DEPDC5: variants seen among roughly 807,000 people sequenced by gnomAD.
DEPDC5 encodes GATOR1 complex protein DEPDC5.
Under a neutral mutation model 217.3 loss-of-function variants are expected in DEPDC5, and 73 were observed. The ratio of observed to expected loss-of-function variants is 0.34; its 90% CI spans 0.28 to 0.41. The LOEUF (loss-of-function observed/expected upper bound fraction) is 0.41, where lower values mean the gene tolerates loss of function less well. Among genes scored for constraint, DEPDC5 ranks in the 10% least tolerant of loss-of-function variants. DEPDC5 has a pLI of 1.00. For synonymous variants in DEPDC5, 733 were observed against 756.7 expected, an observed-to-expected ratio of 0.97 and a Z score of 0.51; for missense variants, 1,675 against 2,070.1, an observed-to-expected ratio of 0.81 and a Z score of 3.70.
chr22:31,860,498 C>A (rs1245094848), intron 32 of DEPDC5, among the ~76,000 whole-genome samples: 1 of 152,050 alleles, frequency 6.6e-6, no homozygotes, highest in Non-Finnish European at 1.5e-5. Flanking sequence ...TAAAAAGATT[C>A]CGAAAGGAAA....
At chr22:31,811,168 C>T (rs1349258890) in intron 20 of DEPDC5, among the ~76,000 whole-genome samples, 1 of 152,116 alleles carries the variant, frequency 6.6e-6, no homozygotes, top group African/African-American at 2.4e-5. Flanking sequence ...CTCCTGGGTT[C>T]AAGCGATTCT....
intron 36 of DEPDC5, 59 bp downstream of exon 36, chr22:31,874,464 T>C: frequency 6.5e-7 from 1 of 1,542,012 alleles, no homozygotes. Flanking sequence ...AATCAGGGCC[T>C]GCCTTAGAAG....
chr22:31,853,395 T>C (rs993175979), intron 31 of DEPDC5: 1 of 152,108 alleles, frequency 6.6e-6, no homozygotes, highest in African/African-American at 2.4e-5. Context: ...GGATGACTGC[T>C]CCCGGGAGAC....
At chr22:31,881,440 G>T (rs1017187303) in intron 38 of DEPDC5, among the ~76,000 whole-genome samples, 9 of 152,074 alleles carry the variant, frequency 5.9e-5, no homozygotes, top group Non-Finnish European at 1.2e-4. Flanking sequence ...TTTCCCTTAG[G>T]CAGTCATGAC....
At chr22:31,762,109 T>G (rs2082439715) in intron 4 of DEPDC5, among the ~76,000 whole-genome samples, 1 of 152,162 alleles carries the variant, frequency 6.6e-6, no homozygotes, top group African/African-American at 2.4e-5. Flanking sequence ...CTGTCCCATT[T>G]TTTCACAAAC....
chr22:31,845,227 G>A lies in DEPDC5; in HGVS notation c.3011G>A (p.Arg1004His), dbSNP rs754059546. ...ATTCGCAGGCGGCATCGCTCGGATC[G>A]CATGATGCGGGTAAGGGCTCCTTAG... ...NRIRRRHRSD[R>H]MMRKGTAMKG... Residue 1004 changes from arginine (R) to histidine (H), a missense_variant, in exon 30 of 43, where the codon CGC (arginine) becomes CAC (histidine). Arg to His is a conservative substitution (Grantham distance 29). This residue lies in a region of DEPDC5 where 293 missense variants were observed against 386.1 expected (regional missense o/e 0.76). Transcript: ENST00000651528. 39 of 1,613,474 alleles carry A rather than the reference G, an allele frequency of 2.4e-5. No homozygotes were observed. The highest frequency in any genetic ancestry group is 1.6e-4 in the Middle Eastern group (1 of 6,062).
chr22:31,756,816 G>A (rs2081974956), intron 2 of DEPDC5, among the ~76,000 whole-genome samples: 2 of 151,858 alleles, frequency 1.3e-5, no homozygotes, highest in African/African-American at 4.8e-5. Context: ...AGCTACTAGG[G>A]AGGCTGAGGC....
At chr22:31,894,747 A>T (rs185866168) in intron 39 of DEPDC5, 1 of 151,950 alleles carries the variant, frequency 6.6e-6, no homozygotes, top group Non-Finnish European at 1.5e-5. Context: ...CGGGAAGCTG[A>T]GGCAGGGGAA....
chr22:31,864,276 T>C (rs1015185886), intron 33 of DEPDC5, among the ~76,000 whole-genome samples: 1 of 151,114 alleles, frequency 6.6e-6, no homozygotes, highest in Non-Finnish European at 1.5e-5. Flanking sequence ...GCCCGGCTAA[T>C]TTTTTGTATT....
At chr22:31,763,571 A>C (rs576974099) in intron 4 of DEPDC5, among the ~76,000 whole-genome samples, 1 of 151,340 alleles carries the variant, frequency 6.6e-6, no homozygotes, top group Non-Finnish European at 1.5e-5. Flanking sequence ...CCGCCTCCCG[A>C]GTAGCTAAGA....
chr22:31,779,197 A>G (rs566887769), intron 8 of DEPDC5, among the ~76,000 whole-genome samples: 7 of 152,324 alleles, frequency 4.6e-5, no homozygotes, highest in Admixed American at 4.6e-4. Flanking sequence ...GTTGAGACCC[A>G]GTGTATCCTT....
intron 31 of DEPDC5, among the ~76,000 whole-genome samples, chr22:31,851,564 A>G (rs912965427): frequency 5.3e-5 from 8 of 152,064 alleles, no homozygotes; most frequent in Non-Finnish European, 1.0e-4. Context: ...CCCTGACTTG[A>G]CTGTGTGCTC....
In DEPDC5 at chr22:31,755,053, A is replaced by G. The variant is rs2075202720; in HGVS notation, c.58+74A>G. The G allele has an allele frequency of 9.7e-6, 15 of 1,553,822 alleles. No individual in the cohort carries two copies. In the Admixed American group the frequency reaches 2.4e-4, roughly 25 times the overall value. ...GGTGTGTGCAATACCTAGAAATTAC[A>G]CACTGACTCGTGTGACAATTGAGGC... On this transcript the variant is annotated intron_variant, in intron 2 of 42. Coordinates refer to ENST00000651528, the MANE Select transcript of DEPDC5 (RefSeq NM_001242896.3).
chr22:31,782,037 C>CGTCT (rs753497106), intron 8 of DEPDC5, among the ~76,000 whole-genome samples: 15 of 151,926 alleles, frequency 9.9e-5, no homozygotes, highest in Non-Finnish European at 2.2e-4. Context: ...TCTCTATGAA[C>CGTCT]AGACAGACAA....
At chr22:31,829,306 T>C (rs1185182269) in intron 24 of DEPDC5, among the ~76,000 whole-genome samples, 1 of 151,892 alleles carries the variant, frequency 6.6e-6, no homozygotes. Flanking sequence ...CCAAGGCGGG[T>C]GGATCACTTG....
At chr22:31,843,594 G>T (rs2091530229) in intron 28 of DEPDC5, 51 bp from the exon 29 acceptor site, 2 of 1,562,968 alleles carry the variant, frequency 1.3e-6, no homozygotes. Context: ...GAATTGGCAG[G>T]AATTTGTCTC....
intron 27 of DEPDC5, among the ~76,000 whole-genome samples, chr22:31,839,083 T>C (rs185427471): frequency 2.6e-5 from 4 of 152,294 alleles, no homozygotes; most frequent in Admixed American, 2.6e-4. Context: ...AGTTCAGGAA[T>C]GGGACAGCCT....
Position 31,843,159 on chromosome 22 carries a change from C to T in DEPDC5, c.2580C>T (p.Phe860=). The T allele has an allele frequency of 6.2e-7, 1 of 1,614,164 alleles. No individual in the cohort carries two copies. Among genetic ancestry groups the T allele is most frequent in the Non-Finnish European group, 8.5e-7 (1 of 1,180,044 alleles). Residue 860 remains phenylalanine, a synonymous_variant, in exon 28 of 43, where the codon TTC becomes TTT. Transcript: ENST00000651528. The part of the protein sequence containing the change: ...DQYWLSMGRT[F]HKVTLKDKMI... ...ATTGGCTGAGTATGGGCAGAACGTTCCACAAAGTGACGCTGAAGGATAAGA... is the reference window on the plus strand; with the variant it reads ...ATTGGCTGAGTATGGGCAGAACGTTTCACAAAGTGACGCTGAAGGATAAGA...
intron 31 of DEPDC5, among the ~76,000 whole-genome samples, chr22:31,847,540 G>A (rs1028566944): frequency 1.3e-5 from 2 of 152,124 alleles, no homozygotes; most frequent in Admixed American, 6.5e-5. Flanking sequence ...TTCTTCACAT[G>A]GCAGCAGCAA....
Sources: allele counts gnomAD v4.1 joint callset (sites outside exome capture counted in the v4.1 genomes callset), GRCh38; gene constraint gnomAD v4.1.1; regional missense constraint gnomAD v4.1.1; transcripts MANE v1.5; gene names NCBI Gene and HGNC (gene_info 2026-07-23, HGNC 2026-07-21).